The following DCUN1D5 variants were observed in gnomAD, a reference collection of about 807,000 sequenced individuals.
DCUN1D5 encodes the protein DCN1-like protein 5.
DCUN1D5 carries 10 observed loss-of-function variants against 38.3 expected under a neutral mutation model. The ratio of observed to expected loss-of-function variants is 0.26; its 90% confidence interval spans 0.16 to 0.44. The LOEUF (loss-of-function observed/expected upper bound fraction) is 0.44, where lower values mean the gene tolerates loss of function less well. Ranked by LOEUF, DCUN1D5 falls within the 20% of genes least tolerant of loss-of-function variation. DCUN1D5 has a pLI of 1.00. For synonymous variants in DCUN1D5, 93 were observed against 90.9 expected, an observed-to-expected ratio of 1.02 and a Z score of -0.13; for missense variants, 148 against 275.3, an observed-to-expected ratio of 0.54 and a Z score of 3.27.
At chr11:103,074,808 T>G (rs1315561531) in intron 4 of DCUN1D5, among the ~76,000 whole-genome samples, 2 of 152,226 alleles carry the variant, frequency 1.3e-5, no homozygotes, top group Non-Finnish European at 2.9e-5. Flanking sequence ...ATGCGGAAAT[T>G]GTGATAATTC....
At chr11:103,082,310 G>A (rs1862585488) in intron 4 of DCUN1D5, among the ~76,000 whole-genome samples, 1 of 151,988 alleles carries the variant, frequency 6.6e-6, no homozygotes, top group South Asian at 2.1e-4. Flanking sequence ...ATCATAAAAG[G>A]GTTATGTAAC....
At chr11:103,082,596 C>T in intron 4 of DCUN1D5, 152 bp downstream of exon 4, 2 of 613,280 alleles carry the variant, frequency 3.3e-6, no homozygotes, top group Non-Finnish European at 5.7e-6. Context: ...CCCAAGACCA[C>T]AATATAATTT....
chr11:103,078,460 C>T lies in DCUN1D5; in HGVS notation c.341+4288G>A, dbSNP rs1262540500. 6.6e-6 allele frequency among the ~76,000 whole-genome samples: 1 copy of T among 152,154 alleles called. No individual in the cohort carries two copies. The highest frequency in any genetic ancestry group is 1.5e-5 in the Non-Finnish European group (1 of 68,026). On this transcript the variant is annotated intron_variant, in intron 4 of 7. Coordinates refer to ENST00000260247, the MANE Select transcript of DCUN1D5 (RefSeq NM_032299.4). This position sits in a 1 kb window ranked among gnomAD's most constrained non-coding sequence, Gnocchi z 4.6. The stretch of plus-strand genomic sequence containing the variant: ...TGTGCCTCTTAATGGGAACGAGGTC[C>T]ATAGTTCTCATAAGACTCTCAAAAG...
chr11:103,090,426 T>C (rs1862828831), intron 1 of DCUN1D5, among the ~76,000 whole-genome samples: 1 of 152,044 alleles, frequency 6.6e-6, no homozygotes, highest in South Asian at 2.1e-4. Flanking sequence ...AGTCGACCAA[T>C]TACAAAAAAG....
intron 1 of DCUN1D5, 109 bp from the exon 2 acceptor site, chr11:103,089,427 T>TTTC: frequency 1.0e-6 from 1 of 966,338 alleles, no homozygotes; most frequent in African/African-American, 1.6e-5. Flanking sequence ...GTTTTTTTTT[T>TTTC]CTTCGGTTGG....
At position 103,073,533 on chromosome 11, in the gene DCUN1D5, C is replaced by A. The variant is rs148799181; in HGVS notation, c.342-6966G>T. ...CTGATTTCAAGTCTTAGTATTTAGCCACAGTAATCCAGACTGTGTGGTACT... is the reference window on the plus strand; with the variant it reads ...CTGATTTCAAGTCTTAGTATTTAGCAACAGTAATCCAGACTGTGTGGTACT... On this transcript the variant is annotated intron_variant, in intron 4 of 7. Coordinates refer to ENST00000260247, the MANE Select transcript of DCUN1D5 (RefSeq NM_032299.4). This position sits in a 1 kb window ranked among gnomAD's most constrained non-coding sequence, Gnocchi z 4.2. 2.0e-5 allele frequency among the ~76,000 whole-genome samples: 3 copies of A among 152,252 alleles called. No individual in the cohort carries two copies. Among genetic ancestry groups the A allele is most frequent in the Admixed American group, 2.0e-4 (3 of 15,296 alleles).
chr11:103,089,618 GA>G (rs1424394001), intron 1 of DCUN1D5, among the ~76,000 whole-genome samples: 2 of 152,038 alleles, frequency 1.3e-5, no homozygotes, highest in African/African-American at 4.8e-5. Context: ...TAGTAGGTGG[GA>G]AAGTATAAAT....
At position 103,091,486 on chromosome 11, in the gene DCUN1D5, G is replaced by A; in HGVS notation, c.86+301C>T. On this transcript the variant is annotated intron_variant, in intron 1 of 7. Coordinates refer to ENST00000260247, the MANE Select transcript of DCUN1D5 (RefSeq NM_032299.4). The surrounding 1 kb of genome is among the most constrained non-coding windows in gnomAD (Gnocchi z 4.3). ...GGGATCGAGGGTCGGTTGTGGGGTG[G>A]GGGTGGGGGTGGGGGGAAGCGCAAT... The A allele has an allele frequency of 2.7e-6, 1 of 369,116 alleles. No homozygotes were observed. The highest frequency in any genetic ancestry group is 2.2e-5 in the African/African-American group (1 of 45,872). 22.9% of individuals were successfully genotyped at this position (369,116 alleles called of 1,614,324 possible). A position where few individuals can be genotyped will look rare whatever the true frequency, so the allele number is the denominator to read the frequency against.
chr11:103,079,385 G>T (rs539504005), intron 4 of DCUN1D5, among the ~76,000 whole-genome samples: 53 of 152,270 alleles, frequency 3.5e-4, no homozygotes, highest in African/African-American at 1.3e-3. Flanking sequence ...ACCAGTAAGT[G>T]ATACTGTGCC....
chr11:103,086,856 TA>T lies in DCUN1D5; in HGVS notation c.178+2370del, dbSNP rs1862722513. The stretch of plus-strand genomic sequence containing the variant: ...AAACATAAAATAATATCTATTATAA[TA>T]AAATGTTTATAACTATATATAAACA... On this transcript the variant is annotated intron_variant, in intron 2 of 7. Transcript: ENST00000260247. The surrounding 1 kb of genome is among the most constrained non-coding windows in gnomAD (Gnocchi z 4.1). 6.6e-6 allele frequency among the ~76,000 whole-genome samples: 1 copy of T among 151,672 alleles called. No homozygotes were observed. Among genetic ancestry groups the T allele is most frequent in the Non-Finnish European group, 1.5e-5 (1 of 67,906 alleles).
chr11:103,062,195 CA>C lies in DCUN1D5; in HGVS notation c.*163del, dbSNP rs1591202624. ...AGAAGAGGTGTGGCTCAATGCCCAT[CA>C]CATGTAACAAGAAAAACCTCCTTTA... is the stretch of plus-strand genomic sequence containing the variant. On this transcript the variant is annotated 3_prime_UTR_variant, in exon 8 of 8. Transcript: ENST00000260247. This position sits in a 1 kb window ranked among gnomAD's most constrained non-coding sequence, Gnocchi z 4.6. 4.8e-6 allele frequency: 3 copies of C among 627,452 alleles called. No homozygotes were observed. The East Asian group carries it at 8.3e-5, about 17-fold the overall frequency. The allele number at this position is 627,452 out of a possible 1,614,324, so 38.9% of individuals were successfully genotyped here.
In DCUN1D5 at chr11:103,062,087, C is replaced by G; in HGVS notation, c.*272G>C. On this transcript the variant is annotated 3_prime_UTR_variant, in exon 8 of 8. Transcript: ENST00000260247. The surrounding 1 kb of genome is among the most constrained non-coding windows in gnomAD (Gnocchi z 4.6). ...TCAAGGGACATCTTCACTTTAAGGC[C>G]TTTGTCACAAATCTGAATCTTTATT... is the stretch of plus-strand genomic sequence containing the variant. 1 of 363,700 alleles carries G rather than the reference C, an allele frequency of 2.7e-6. No homozygotes were observed. Among genetic ancestry groups the G allele is most frequent in the South Asian group, 7.8e-5 (1 of 12,764 alleles). The allele number at this position is 363,700 out of a possible 1,614,324, so 22.5% of individuals were successfully genotyped here.
chr11:103,088,483 G>A (rs184471076), intron 2 of DCUN1D5, among the ~76,000 whole-genome samples: 7 of 152,234 alleles, frequency 4.6e-5, no homozygotes, highest in African/African-American at 1.7e-4. Flanking sequence ...TCTCTGGCTG[G>A]CTTTGACTTT....
In DCUN1D5 at chr11:103,054,772, G is replaced by A. The variant is rs1861830973; in HGVS notation, c.*7587C>T. The stretch of plus-strand genomic sequence containing the variant: ...CTTGAGTTTCCTTGGAAACTCCTTG[G>A]AATATAAATATACATTTATATTCAA... On this transcript the variant is annotated 3_prime_UTR_variant, in exon 8 of 8. Coordinates refer to ENST00000260247, the MANE Select transcript of DCUN1D5 (RefSeq NM_032299.4). The A allele has an allele frequency of 6.6e-6, 1 of 151,790 alleles. No individual in the cohort carries two copies. Among genetic ancestry groups the A allele is most frequent in the African/African-American group, 2.4e-5 (1 of 41,310 alleles). The allele number at this position is 151,790 out of a possible 1,614,324, so 9.4% of individuals were successfully genotyped here. A position where few individuals can be genotyped will look rare whatever the true frequency, so the allele number is the denominator to read the frequency against.
intron 2 of DCUN1D5, among the ~76,000 whole-genome samples, chr11:103,085,994 G>A (rs969271539): frequency 6.6e-6 from 1 of 152,162 alleles, no homozygotes. Flanking sequence ...ACTCAAGAAT[G>A]AGGTCTTGTG....
At position 103,087,876 on chromosome 11, in the gene DCUN1D5, A is replaced by G. The variant is rs796497203; in HGVS notation, c.178+1351T>C. On this transcript the variant is annotated intron_variant, in intron 2 of 7. Coordinates refer to ENST00000260247, the MANE Select transcript of DCUN1D5 (RefSeq NM_032299.4). This position sits in a 1 kb window ranked among gnomAD's most constrained non-coding sequence, Gnocchi z 4.1. ...ATTTCTATTGTATCTAGTAACCTTT[A>G]TAAGTGAAATAAGATGGGTGACCTT... Among the ~76,000 whole-genome samples the G allele has an allele frequency of 6.6e-6, 1 of 152,292 alleles. No homozygotes were observed. The highest frequency in any genetic ancestry group is 2.4e-5 in the African/African-American group (1 of 41,550).
chr11:103,075,501 C>T (rs886384052), intron 4 of DCUN1D5, among the ~76,000 whole-genome samples: 19 of 152,260 alleles, frequency 1.2e-4, no homozygotes, highest in African/African-American at 4.6e-4. Context: ...TCTGCCTCAC[C>T]CTCCCGAGTA....
In DCUN1D5 at chr11:103,091,946, C is replaced by T. The variant is rs1351440468; in HGVS notation, c.-74G>A. 2 of 1,408,734 alleles carry T rather than the reference C, an allele frequency of 1.4e-6. No individual in the cohort carries two copies. The highest frequency in any genetic ancestry group is 1.4e-5 in the African/African-American group (1 of 69,950). 87.3% of individuals were successfully genotyped at this position (1,408,734 alleles called of 1,614,324 possible). On this transcript the variant is annotated 5_prime_UTR_variant, in exon 1 of 8. Coordinates refer to ENST00000260247, the MANE Select transcript of DCUN1D5 (RefSeq NM_032299.4). This position sits in a 1 kb window ranked among gnomAD's most constrained non-coding sequence, Gnocchi z 4.3. Reference sequence around the variant, plus strand: ...CCTGTCCGCTGGAAGCCCCTCAGCGCTGGCACCCAGTTCCCAGAGACAGCA... The same window carrying T: ...CCTGTCCGCTGGAAGCCCCTCAGCGTTGGCACCCAGTTCCCAGAGACAGCA...
chr11:103,064,241 T>C lies in DCUN1D5; in HGVS notation c.658+34A>G. On this transcript the variant is annotated intron_variant, in intron 7 of 7. Transcript: ENST00000260247. This position sits in a 1 kb window ranked among gnomAD's most constrained non-coding sequence, Gnocchi z 4.5. ...CTCTCATTTAATATTTTTGGAAATT[T>C]TGTTTTCAAAGGAACATGTTATGTT... The C allele has an allele frequency of 1.3e-6, 2 of 1,561,460 alleles. No individual in the cohort carries two copies. The highest frequency in any genetic ancestry group is 1.8e-6 in the Non-Finnish European group (2 of 1,141,556).
Sources: allele counts gnomAD v4.1 joint callset (sites outside exome capture counted in the v4.1 genomes callset), GRCh38; gene constraint gnomAD v4.1.1; non-coding constraint Gnocchi (gnomAD v3.1); transcripts MANE v1.5; gene names NCBI Gene and HGNC (gene_info 2026-07-23, HGNC 2026-07-21).